TMEM116: variants seen among roughly 807,000 people sequenced by gnomAD.
TMEM116 encodes the protein transmembrane protein 116.
A neutral mutation model predicts 44.3 loss-of-function variants in TMEM116; 38 were observed. The ratio of observed to expected loss-of-function variants is 0.86; its 90% CI spans 0.66 to 1.12. The LOEUF (loss-of-function observed/expected upper bound fraction) is 1.12. Ranked by LOEUF, TMEM116 falls within the 50% of genes most tolerant of loss-of-function variation. The probability of loss-of-function intolerance (pLI) is 0.00; values close to 1 mark genes in which losing one functional copy is unlikely to be tolerated. For missense variants in TMEM116, 354 were observed against 401.7 expected (o/e 0.88, Z 1.01); for synonymous variants, 132 against 144.8 (o/e 0.91, Z 0.64).
intron 4 of TMEM116, among the ~76,000 whole-genome samples, chr12:111,971,141 A>G (rs76378955): frequency 0.015 from 2,350 of 152,326 alleles, 72 homozygotes; most frequent in African/African-American, 0.053. Flanking sequence ...CTCACCCTAC[A>G]AGAAATGTTA....
intron 4 of TMEM116, among the ~76,000 whole-genome samples, chr12:111,968,818 C>T (rs754514272): frequency 4.6e-5 from 7 of 150,606 alleles, no homozygotes; most frequent in Non-Finnish European, 1.0e-4. Flanking sequence ...TATGGTGAAA[C>T]CCCGTCTCTA....
intron 4 of TMEM116, among the ~76,000 whole-genome samples, chr12:111,958,170 A>G (rs2074294169): frequency 6.6e-6 from 1 of 151,274 alleles, no homozygotes; most frequent in Admixed American, 6.6e-5. Context: ...TAGGAAAACC[A>G]GAGACCTTTG....
chr12:111,959,120 G>A (rs1328341964), intron 4 of TMEM116, among the ~76,000 whole-genome samples: 2 of 152,186 alleles, frequency 1.3e-5, no homozygotes, highest in Non-Finnish European at 2.9e-5. Flanking sequence ...TACCCACAAA[G>A]GGAAGCCCAT....
chr12:112,004,790 G>A (rs2077486630), intron 2 of TMEM116, among the ~76,000 whole-genome samples: 1 of 151,720 alleles, frequency 6.6e-6, no homozygotes, highest in Admixed American at 6.6e-5. Flanking sequence ...ATTTTTATGG[G>A]GTTTTTTTGT....
intron 5 of TMEM116, among the ~76,000 whole-genome samples, chr12:111,940,091 G>A (rs1434728343): frequency 1.3e-5 from 2 of 151,730 alleles, no homozygotes; most frequent in African/African-American, 4.8e-5. Flanking sequence ...TGGCCAACAT[G>A]GCAAAACCCT....
intron 3 of TMEM116, among the ~76,000 whole-genome samples, chr12:112,001,255 A>G (rs1304563372): frequency 1.3e-5 from 2 of 152,204 alleles, no homozygotes; most frequent in African/African-American, 4.8e-5. Flanking sequence ...GTCACCTTGG[A>G]CAGTAGTTTT....
At chr12:111,958,082 CG>C (rs1565900267) in intron 4 of TMEM116, among the ~76,000 whole-genome samples, 1 of 151,694 alleles carries the variant, frequency 6.6e-6, no homozygotes, top group East Asian at 1.9e-4. Flanking sequence ...GCAGCATGCT[CG>C]TTAAGAGTCA....
intron 1 of TMEM116, 171 bp from the exon 2 acceptor site, chr12:112,005,474 A>G (rs1243051240): frequency 2.0e-6 from 1 of 501,584 alleles, no homozygotes; most frequent in Non-Finnish European, 3.1e-6. Flanking sequence ...TGGAAAGACA[A>G]GGTGCTCCTT....
chr12:112,000,936 C>G (rs2077219526), intron 3 of TMEM116: 5 of 404,636 alleles, frequency 1.2e-5, no homozygotes, highest in South Asian at 9.2e-5. Flanking sequence ...GGCGATGGCA[C>G]TGACACAGAG....
At chr12:111,940,954 A>G (rs907551423) in intron 5 of TMEM116, among the ~76,000 whole-genome samples, 2 of 152,176 alleles carry the variant, frequency 1.3e-5, no homozygotes, top group African/African-American at 4.8e-5. Flanking sequence ...TTAGACATTC[A>G]TTTACCTAAA....
intron 3 of TMEM116, among the ~76,000 whole-genome samples, chr12:112,000,367 A>T (rs1010951092): frequency 1.3e-5 from 2 of 152,218 alleles, no homozygotes; most frequent in Non-Finnish European, 2.9e-5. Flanking sequence ...TTTTTAAAAA[A>T]ATTCATCCCT....
intron 4 of TMEM116, among the ~76,000 whole-genome samples, chr12:111,967,211 A>G (rs559522066): frequency 2.6e-5 from 4 of 152,238 alleles, no homozygotes; most frequent in Non-Finnish European, 5.9e-5. Context: ...GATAAATATA[A>G]AAACAACTTC....
intron 4 of TMEM116, among the ~76,000 whole-genome samples, chr12:111,979,083 A>C (rs538098157): frequency 1.4e-4 from 21 of 152,322 alleles, no homozygotes; most frequent in Non-Finnish European, 2.8e-4. Context: ...ATAGGAGAAA[A>C]TCTAGATGAC....
intron 4 of TMEM116, among the ~76,000 whole-genome samples, chr12:111,952,925 C>G (rs1017045388): frequency 6.6e-6 from 1 of 152,132 alleles, no homozygotes; most frequent in Non-Finnish European, 1.5e-5. Context: ...AAGGTCTCAC[C>G]TAATTCCCCA....
intron 4 of TMEM116, among the ~76,000 whole-genome samples, chr12:111,950,043 A>G (rs2136309499): frequency 6.6e-6 from 1 of 152,316 alleles, no homozygotes; most frequent in Non-Finnish European, 1.5e-5. Context: ...TGAACCTGGA[A>G]GGCAGAGGTT....
intron 10 of TMEM116, 26 bp downstream of exon 10, chr12:111,932,560 G>A: frequency 6.3e-7 from 1 of 1,595,518 alleles, no homozygotes; most frequent in Non-Finnish European, 8.6e-7. Flanking sequence ...TGTAAGAACA[G>A]AGATACTGAA....
chr12:111,990,241 C>T (rs543020677), intron 4 of TMEM116, among the ~76,000 whole-genome samples: 21 of 144,660 alleles, frequency 1.5e-4, no homozygotes, highest in African/African-American at 4.4e-4. Flanking sequence ...AGCGACAGAG[C>T]GAGACTCCGC....
intron 3 of TMEM116, among the ~76,000 whole-genome samples, chr12:112,003,312 T>C (rs761610553): frequency 4.6e-5 from 7 of 152,190 alleles, no homozygotes; most frequent in Non-Finnish European, 8.8e-5. Context: ...CTCACGCCTG[T>C]AATCCCAGCA....
intron 3 of TMEM116, among the ~76,000 whole-genome samples, chr12:111,995,115 T>C (rs928070771): frequency 1.4e-4 from 21 of 152,212 alleles, no homozygotes; most frequent in South Asian, 4.1e-4. Context: ...TACAAAATCC[T>C]GCATGCAATT....
Sources: allele counts gnomAD v4.1 joint callset (sites outside exome capture counted in the v4.1 genomes callset), GRCh38; gene constraint gnomAD v4.1.1; transcripts MANE v1.5; gene names NCBI Gene and HGNC (gene_info 2026-07-23, HGNC 2026-07-21).